RNF157: variants seen among roughly 807,000 people sequenced by gnomAD.
The protein encoded by RNF157 is E3 ubiquitin ligase RNF157.
Under a neutral mutation model 88.3 loss-of-function variants are expected in RNF157, and 55 were observed. The observed-to-expected ratio is 0.62, with a 90% confidence interval of 0.50 to 0.78. RNF157 has a LOEUF of 0.78. RNF157 is among the 30% of genes least tolerant of loss of function. The probability of loss-of-function intolerance (pLI) is 0.00; values close to 1 mark genes in which losing one functional copy is unlikely to be tolerated. For synonymous variants in RNF157, 334 were observed against 341.2 expected (o/e 0.98, Z 0.23); for missense variants, 788 against 860.8 (o/e 0.92, Z 1.06).
chr17:76,146,736 C>G lies in RNF157; in HGVS notation c.1922-1383G>C, dbSNP rs2068591364. ...TCCATGGGACAAAGCTCCTCCTGGG[C>G]AGGGGCCGTGACTTCTTCACTGTTG... is the stretch of plus-strand genomic sequence containing the variant. On this transcript the variant is annotated intron_variant, in intron 18 of 18. Transcript: ENST00000269391. The surrounding 1 kb of genome is among the most constrained non-coding windows in gnomAD (Gnocchi z 4.2). 1 of 985,438 alleles carries G rather than the reference C, an allele frequency of 1.0e-6. No individual in the cohort carries two copies. Among genetic ancestry groups the G allele is most frequent in the Non-Finnish European group, 1.2e-6 (1 of 829,898 alleles). 61.0% of individuals were successfully genotyped at this position (985,438 alleles called of 1,614,324 possible).
rs1381002135 is a variant in RNF157, at chr17:76,146,284, C to A, written c.1922-931G>T. On this transcript the variant is annotated intron_variant, in intron 18 of 18. Coordinates refer to ENST00000269391, the MANE Select transcript of RNF157 (RefSeq NM_052916.3). This position sits in a 1 kb window ranked among gnomAD's most constrained non-coding sequence, Gnocchi z 4.2. ...TTTCTCACCCATCAGATGGGACATG[C>A]GTACTGACCTCACGGGCTTGCTGTG... The A allele has an allele frequency of 3.2e-6, 3 of 925,208 alleles. No individual in the cohort carries two copies. The highest frequency in any genetic ancestry group is 3.9e-6 in the Non-Finnish European group (3 of 774,950). The allele number at this position is 925,208 out of a possible 1,614,324, so 57.3% of individuals were successfully genotyped here. A position where few individuals can be genotyped will look rare whatever the true frequency, so the allele number is the denominator to read the frequency against.
At chr17:76,199,405 C>A (rs1568057438) in intron 2 of RNF157, among the ~76,000 whole-genome samples, 1 of 151,880 alleles carries the variant, frequency 6.6e-6, no homozygotes, top group African/African-American at 2.4e-5. Context: ...TATAGGCACG[C>A]TCCATCATAC....
chr17:76,146,976 C>T lies in RNF157; in HGVS notation c.1922-1623G>A, dbSNP rs908855991. 1.1e-5 allele frequency: 11 copies of T among 985,242 alleles called. No individual in the cohort carries two copies. Among genetic ancestry groups the T allele is most frequent in the African/African-American group, 1.7e-5 (1 of 57,208 alleles). 61.0% of individuals were successfully genotyped at this position (985,242 alleles called of 1,614,324 possible). On this transcript the variant is annotated intron_variant, in intron 18 of 18. Coordinates refer to ENST00000269391, the MANE Select transcript of RNF157 (RefSeq NM_052916.3). The surrounding 1 kb of genome is among the most constrained non-coding windows in gnomAD (Gnocchi z 4.2). ...CCATCAATGCCTTGGTGTGCTAATC[C>T]ACCTCAGGCTCTAGTAACAGTCTCT...
intron 1 of RNF157, among the ~76,000 whole-genome samples, chr17:76,230,836 TAAAAA>T (rs1160772405): frequency 1.6e-4 from 11 of 70,386 alleles, no homozygotes; most frequent in Middle Eastern, 9.8e-3. Context: ...AGACTCCATC[TAAAAA>T]AAAAAAAAAA....
At position 76,152,274 on chromosome 17, in the gene RNF157, TG is replaced by T. The variant is rs1228405183; in HGVS notation, c.1921+80del. ...TTGGCAGGAACTGCAGGGCAGGAGA[TG>T]GGTGTACCAGGGTGAGAGCAGGGGT... On this transcript the variant is annotated intron_variant, in intron 18 of 18. Transcript: ENST00000269391. 3 of 904,558 alleles carry T rather than the reference TG, an allele frequency of 3.3e-6. No homozygotes were observed. The African/African-American group carries it at 4.9e-5, about 15-fold the overall frequency. 56.0% of individuals were successfully genotyped at this position (904,558 alleles called of 1,614,324 possible).
At chr17:76,148,242 A>T (rs1428812978) in intron 18 of RNF157, among the ~76,000 whole-genome samples, 1 of 151,436 alleles carries the variant, frequency 6.6e-6, no homozygotes, top group South Asian at 2.1e-4. Flanking sequence ...TCCACTAAAA[A>T]GATCCAAATT....
At chr17:76,170,116 C>G (rs1248662055) in intron 3 of RNF157, among the ~76,000 whole-genome samples, 1 of 152,128 alleles carries the variant, frequency 6.6e-6, no homozygotes, top group Non-Finnish European at 1.5e-5. Flanking sequence ...CAGGCAGGTC[C>G]AATTTCCAGA....
chr17:76,223,273 C>A (rs1228554841), intron 1 of RNF157, among the ~76,000 whole-genome samples: 1 of 151,462 alleles, frequency 6.6e-6, no homozygotes, highest in South Asian at 2.1e-4. Context: ...CTGCAACATC[C>A]GCCTCCCAGG....
chr17:76,175,468 C>T (rs2069088599), intron 2 of RNF157, among the ~76,000 whole-genome samples: 1 of 152,140 alleles, frequency 6.6e-6, no homozygotes, highest in South Asian at 2.1e-4. Flanking sequence ...GCAAGCAGTG[C>T]ATCAGGAGGC....
intron 2 of RNF157, among the ~76,000 whole-genome samples, chr17:76,197,403 C>T (rs2069495981): frequency 6.6e-6 from 1 of 152,106 alleles, no homozygotes; most frequent in Admixed American, 6.5e-5. Flanking sequence ...TGGCTCATGC[C>T]TGTAATCCCA....
intron 2 of RNF157, among the ~76,000 whole-genome samples, chr17:76,192,221 G>A (rs2069399097): frequency 6.6e-6 from 1 of 152,166 alleles, no homozygotes; most frequent in Non-Finnish European, 1.5e-5. Context: ...TTTGTACTCT[G>A]GTTTGTTAAG....
At chr17:76,222,677 C>T (rs1042624176) in intron 1 of RNF157, among the ~76,000 whole-genome samples, 29 of 152,104 alleles carry the variant, frequency 1.9e-4, no homozygotes, top group African/African-American at 4.6e-4. Flanking sequence ...ACTCACACAA[C>T]GTCCCACAGT....
At chr17:76,169,536 G>A (rs1218106100) in intron 3 of RNF157, among the ~76,000 whole-genome samples, 1 of 150,400 alleles carries the variant, frequency 6.6e-6, no homozygotes, top group African/African-American at 2.4e-5. Context: ...CCTCCCAAAG[G>A]TCTGGGATTA....
At chr17:76,185,484 T>TTTTTTTTTTTTTTTC in intron 2 of RNF157, among the ~76,000 whole-genome samples, 1 of 149,476 alleles carries the variant, frequency 6.7e-6, no homozygotes, top group African/African-American at 2.5e-5. Context: ...TCTTTTTTTT[T>TTTTTTTTTTTTTTTC]TTTGAGACGG....
At chr17:76,182,705 C>T (rs1157447156) in intron 2 of RNF157, among the ~76,000 whole-genome samples, 2 of 141,604 alleles carry the variant, frequency 1.4e-5, no homozygotes, top group African/African-American at 5.4e-5. Context: ...CAACATAAAT[C>T]TTTTTTTAAA....
chr17:76,145,976 C>T (rs941881895), intron 18 of RNF157, among the ~76,000 whole-genome samples: 3 of 152,196 alleles, frequency 2.0e-5, no homozygotes, highest in Non-Finnish European at 4.4e-5. Flanking sequence ...ATCAGCCCAG[C>T]AGACACCAGC....
At position 76,192,044 on chromosome 17, in the gene RNF157, A is replaced by C. The variant is rs555865592; in HGVS notation, c.208-18254T>G. 1.9e-3 allele frequency among the ~76,000 whole-genome samples: 289 copies of C among 152,338 alleles called. 1 individual carries two copies. Among genetic ancestry groups the C allele is most frequent in the Middle Eastern group, 3.4e-3 (1 of 294 alleles). ...AAAAAGTTAACCAGATTTTTCTTTG[A>C]AATGCAAAACCAGTAAGTATAGTTT... is the stretch of plus-strand genomic sequence containing the variant. On this transcript the variant is annotated intron_variant, in intron 2 of 18. Coordinates refer to ENST00000269391, the MANE Select transcript of RNF157 (RefSeq NM_052916.3).
At chr17:76,226,641 C>A (rs2070092200) in intron 1 of RNF157, 2 of 1,612,848 alleles carry the variant, frequency 1.2e-6, no homozygotes, top group Admixed American at 1.7e-5. Flanking sequence ...GAGGAGCCCG[C>A]CTTAGCCTTG....
At chr17:76,199,960 G>A (rs993509986) in intron 2 of RNF157, among the ~76,000 whole-genome samples, 37 of 152,132 alleles carry the variant, frequency 2.4e-4, no homozygotes, top group Non-Finnish European at 1.5e-4. Context: ...ATTTCAGGTC[G>A]GGCGCGGTGG....
Sources: gnomAD v4.1 joint callset for allele counts (sites outside exome capture counted in the v4.1 genomes callset) on GRCh38, gnomAD v4.1.1 for gene constraint, Gnocchi (gnomAD v3.1) non-coding constraint, MANE v1.5 for transcripts, NCBI Gene and HGNC (gene_info 2026-07-23, HGNC 2026-07-21) for gene names.